The following UNC5A variants were observed in gnomAD, a reference collection of about 807,000 sequenced individuals.
The protein encoded by UNC5A is unc-5 netrin receptor A, also known as netrin receptor UNC5A.
UNC5A carries 20 observed loss-of-function variants against 87.4 expected under a neutral mutation model. The observed-to-expected ratio is 0.23, with a 90% CI of 0.16 to 0.33. The LOEUF is 0.33. Ranked by LOEUF, UNC5A falls within the 10% of genes least tolerant of loss-of-function variation. UNC5A has a pLI of 1.00. For synonymous variants in UNC5A, 438 were observed against 482.3 expected (o/e 0.91, Z 1.20); for missense variants, 844 against 1,133.4 (o/e 0.74, Z 3.67).
chr5:176,826,284 A>T (rs567442), intron 1 of UNC5A, among the ~76,000 whole-genome samples: 114,143 of 152,162 alleles, frequency 0.75, 49,531 homozygotes, highest in Non-Finnish European at 0.94. Context: ...TGAAATGGGA[A>T]GAATGACTGG....
rs151042616 is a variant in UNC5A, at chr5:176,880,101, C to T, written c.*215C>T. On this transcript the variant is annotated 3_prime_UTR_variant, in exon 15 of 15. Transcript: ENST00000329542. Reference sequence around the variant, plus strand: ...CCAGGCTGGCACTGCCACTCACACTCGGCCCCAGGGCCCAGGAGGGACAGT... The same window carrying T: ...CCAGGCTGGCACTGCCACTCACACTTGGCCCCAGGGCCCAGGAGGGACAGT... 35 of 616,588 alleles carry T rather than the reference C, an allele frequency of 5.7e-5. No individual in the cohort carries two copies. Among genetic ancestry groups the T allele is most frequent in the Middle Eastern group, 4.7e-4 (1 of 2,144 alleles). The allele number at this position is 616,588 out of a possible 1,614,324, so 38.2% of individuals were successfully genotyped here. A position where few individuals can be genotyped will look rare whatever the true frequency, so the allele number is the denominator to read the frequency against.
At chr5:176,836,207 G>A (rs372568432) in intron 1 of UNC5A, among the ~76,000 whole-genome samples, 38 of 152,312 alleles carry the variant, frequency 2.5e-4, no homozygotes, top group African/African-American at 9.1e-4. Context: ...GCAGGGCCCA[G>A]GAGGGCAACA....
intron 1 of UNC5A, among the ~76,000 whole-genome samples, chr5:176,849,990 C>T (rs1289166891): frequency 6.6e-6 from 1 of 152,268 alleles, no homozygotes; most frequent in Non-Finnish European, 1.5e-5. Context: ...TTGGCTCCCA[C>T]CTGCTGTGTG....
chr5:176,843,059 G>A (rs1179991386), intron 1 of UNC5A, among the ~76,000 whole-genome samples: 1 of 151,878 alleles, frequency 6.6e-6, no homozygotes, highest in East Asian at 1.9e-4. Context: ...TACTCAGGAG[G>A]CTGAGGCAGG....
chr5:176,846,108 G>A (rs1387181698), intron 1 of UNC5A, among the ~76,000 whole-genome samples: 1 of 152,136 alleles, frequency 6.6e-6, no homozygotes, highest in Non-Finnish European at 1.5e-5. Flanking sequence ...GATGGCTGAG[G>A]CGAAATGTTC....
chr5:176,830,655 T>G, intron 1 of UNC5A, among the ~76,000 whole-genome samples: 1 of 141,432 alleles, frequency 7.1e-6, no homozygotes, highest in Non-Finnish European at 1.5e-5. Flanking sequence ...TGCATTTGTG[T>G]GTGTGTGCTG....
intron 10 of UNC5A, 25 bp from the exon 11 acceptor site, chr5:176,877,869 T>C (rs1008541432): frequency 3.8e-6 from 6 of 1,585,760 alleles, no homozygotes; most frequent in South Asian, 1.1e-5. Context: ...CTGGGCCGAA[T>C]TGACCCACTG....
chr5:176,870,335 C>G lies in UNC5A; in HGVS notation c.722-35C>G, dbSNP rs1449765985. 3.1e-6 allele frequency: 5 copies of G among 1,604,830 alleles called. No individual in the cohort carries two copies. In the Admixed American group the frequency reaches 8.4e-5, roughly 27 times the overall value. On this transcript the variant is annotated intron_variant, in intron 5 of 14. Transcript: ENST00000329542. ...CTGCCGGGGTGGGCTCCCAGGCTGACCGCACCGTCTCCTCTCTGCTTGTCT... is the reference window on the plus strand; with the variant it reads ...CTGCCGGGGTGGGCTCCCAGGCTGAGCGCACCGTCTCCTCTCTGCTTGTCT...
chr5:176,833,898 G>T (rs1402438378), intron 1 of UNC5A, among the ~76,000 whole-genome samples: 1 of 151,936 alleles, frequency 6.6e-6, no homozygotes, highest in Non-Finnish European at 1.5e-5. Context: ...TAGAGACGGG[G>T]TTTCACCATG....
chr5:176,821,428 T>A (rs191221928), intron 1 of UNC5A, among the ~76,000 whole-genome samples: 1 of 152,174 alleles, frequency 6.6e-6, no homozygotes, highest in African/African-American at 2.4e-5. Flanking sequence ...CAAGACCTCT[T>A]TCCTTTCAGA....
chr5:176,879,675 G>C (rs2292257), intron 14 of UNC5A, 46 bp from the exon 15 acceptor site: 1 of 1,600,210 alleles, frequency 6.2e-7, no homozygotes, highest in East Asian at 2.2e-5. Context: ...AGGAGGTGTC[G>C]GCTGGGGCCA....
In UNC5A at chr5:176,874,548, C is replaced by T. The variant is rs143170712; in HGVS notation, c.1360C>T (p.Leu454=). Residue 454 remains leucine, a synonymous_variant, in exon 8 of 15, where the codon CTG becomes TTG. Transcript: ENST00000329542. The surrounding 1 kb of genome is among the most constrained non-coding windows in gnomAD (Gnocchi z 7.6). ...GACCTTCAACTTCCTCGGGGGCCGG[C>T]TGATGATCCCTAATACAGGTAGGAA... The part of the protein sequence containing the change: ...YGTFNFLGGR[L]MIPNTGISLL... 1.3e-6 allele frequency: 2 copies of T among 1,569,668 alleles called. No individual in the cohort carries two copies. Among genetic ancestry groups the T allele is most frequent in the African/African-American group, 2.7e-5 (2 of 74,116 alleles).
In UNC5A at chr5:176,874,303, C is replaced by G; in HGVS notation, c.1115C>G (p.Thr372Ser). 1 of 1,599,904 alleles carries G rather than the reference C, an allele frequency of 6.3e-7. No individual in the cohort carries two copies. Among genetic ancestry groups the G allele is most frequent in the South Asian group, 1.1e-5 (1 of 88,884 alleles). ...HLLTIQPDLSTTTTTYQGSLC... is the reference protein window; with the variant it reads ...HLLTIQPDLSSTTTTYQGSLC... ...CTCACCATCCAGCCGGACCTCAGCA[C>G]CACCACCACCACCTACCAGGGCAGT... The change falls in exon 8 of 15, where the codon ACC becomes AGC. Residue 372 changes from threonine (T) to serine (S), a missense_variant. This residue lies in a region of UNC5A where 353 missense variants were observed against 387.5 expected (regional missense o/e 0.91). Transcript: ENST00000329542. This position sits in a 1 kb window ranked among gnomAD's most constrained non-coding sequence, Gnocchi z 7.6.
chr5:176,868,469 T>C, intron 3 of UNC5A, 92 bp from the exon 4 acceptor site: 1 of 1,471,896 alleles, frequency 6.8e-7, no homozygotes, highest in Non-Finnish European at 9.2e-7. Flanking sequence ...CTCTGCCATG[T>C]GCCACGGCCC....
chr5:176,863,734 TC>T (rs1372849186), intron 2 of UNC5A, among the ~76,000 whole-genome samples: 1 of 42,420 alleles, frequency 2.4e-5, no homozygotes, highest in African/African-American at 9.7e-5. Context: ...CTCCCCCTTT[TC>T]CCCCTCCCTC....
In UNC5A at chr5:176,843,238, A is replaced by G. The variant is rs1016737633; in HGVS notation, c.71-19386A>G. Among the ~76,000 whole-genome samples the G allele has an allele frequency of 3.9e-5, 6 of 152,128 alleles. No homozygotes were observed. In the East Asian group the frequency reaches 1.2e-3, roughly 29 times the overall value. On this transcript the variant is annotated intron_variant, in intron 1 of 14. Coordinates refer to ENST00000329542, the MANE Select transcript of UNC5A (RefSeq NM_133369.3). ...TCAAAATGTGGAAACAGCCCAGGTGAGGGGACAGATGCTGTGGTGCGTCCA... is the reference window on the plus strand; with the variant it reads ...TCAAAATGTGGAAACAGCCCAGGTGGGGGGACAGATGCTGTGGTGCGTCCA...
chr5:176,851,020 T>C (rs993833238), intron 1 of UNC5A, among the ~76,000 whole-genome samples: 1 of 150,984 alleles, frequency 6.6e-6, no homozygotes, highest in East Asian at 1.9e-4. Flanking sequence ...GGCCACCCCA[T>C]GGGGGCATGG....
At chr5:176,834,625 C>T (rs1229541109) in intron 1 of UNC5A, among the ~76,000 whole-genome samples, 1 of 151,328 alleles carries the variant, frequency 6.6e-6, no homozygotes, top group African/African-American at 2.4e-5. Context: ...CAAGTGCCCT[C>T]CTACCTCCCT....
chr5:176,843,812 T>C (rs1389890685), intron 1 of UNC5A, among the ~76,000 whole-genome samples: 1 of 152,100 alleles, frequency 6.6e-6, no homozygotes, highest in Non-Finnish European at 1.5e-5. Context: ...CCGGCCGTGG[T>C]GTGTGATGGG....
Sources: allele counts gnomAD v4.1 joint callset (sites outside exome capture counted in the v4.1 genomes callset), GRCh38; gene constraint gnomAD v4.1.1; regional missense constraint gnomAD v4.1.1; non-coding constraint Gnocchi (gnomAD v3.1); transcripts MANE v1.5; gene names NCBI Gene and HGNC (gene_info 2026-07-23, HGNC 2026-07-21).